Variants in STK32B observed in about 807,000 individuals in gnomAD.
STK32B encodes the protein serine/threonine-protein kinase 32B.
In STK32B, 43 loss-of-function variants were observed where a neutral mutation model predicts 52.6. The ratio of observed to expected loss-of-function variants is 0.82; its 90% CI spans 0.64 to 1.05. STK32B has a LOEUF of 1.05. STK32B is among the 50% of genes least tolerant of loss of function. STK32B has a pLI of 0.00. For missense variants in STK32B, 621 were observed against 534.6 expected, an observed-to-expected ratio of 1.16 and a Z score of -1.59; for synonymous variants, 238 against 204.3, an observed-to-expected ratio of 1.17 and a Z score of -1.41.
intron 1 of STK32B, 194 bp from the exon 2 acceptor site, chr4:5,139,711 T>G: frequency 1.7e-6 from 1 of 594,818 alleles, no homozygotes; most frequent in South Asian, 2.2e-5. Flanking sequence ...GATGGACAAT[T>G]TGTGTGCTGG....
At chr4:5,303,219 A>G (rs1729688012) in intron 3 of STK32B, among the ~76,000 whole-genome samples, 1 of 152,110 alleles carries the variant, frequency 6.6e-6, no homozygotes, top group African/African-American at 2.4e-5. Flanking sequence ...TGCTGGATCA[A>G]ATGGTAGATC....
At chr4:5,496,568 C>T (rs1304145243) in intron 11 of STK32B, among the ~76,000 whole-genome samples, 1 of 130,634 alleles carries the variant, frequency 7.7e-6, no homozygotes, top group African/African-American at 3.9e-5. Context: ...CTGTCCTGTG[C>T]CCACTGTCTG....
chr4:5,492,189 T>C (rs1332563178), intron 11 of STK32B, among the ~76,000 whole-genome samples: 3 of 152,224 alleles, frequency 2.0e-5, no homozygotes, highest in Non-Finnish European at 4.4e-5. Context: ...ATTTTCATGA[T>C]GTTGATTCTT....
At chr4:5,069,555 C>G (rs769114589) in intron 1 of STK32B, among the ~76,000 whole-genome samples, 1 of 152,152 alleles carries the variant, frequency 6.6e-6, no homozygotes, top group Non-Finnish European at 1.5e-5. Flanking sequence ...TGCCTGGAGT[C>G]GAAAGCTGCC....
intron 1 of STK32B, among the ~76,000 whole-genome samples, chr4:5,073,273 A>T (rs1711883796): frequency 6.6e-6 from 1 of 151,884 alleles, no homozygotes; most frequent in African/African-American, 2.4e-5. Flanking sequence ...AATGATTTTT[A>T]AAAATTCTAT....
intron 4 of STK32B, among the ~76,000 whole-genome samples, chr4:5,337,625 G>T (rs755678557): frequency 1.3e-5 from 2 of 151,960 alleles, no homozygotes; most frequent in Non-Finnish European, 2.9e-5. Flanking sequence ...CAGGAAAAGT[G>T]ATCTGATAGA....
At chr4:5,348,968 C>T (rs995243670) in intron 4 of STK32B, among the ~76,000 whole-genome samples, 1 of 152,208 alleles carries the variant, frequency 6.6e-6, no homozygotes, top group Non-Finnish European at 1.5e-5. Flanking sequence ...CATGTGCCAC[C>T]TGTAGGTCTG....
intron 9 of STK32B, among the ~76,000 whole-genome samples, chr4:5,464,239 C>T (rs191708629): frequency 6.6e-6 from 1 of 152,330 alleles, no homozygotes; most frequent in Non-Finnish European, 1.5e-5. Context: ...GCCCCACCTC[C>T]CAAACTGGGA....
intron 3 of STK32B, among the ~76,000 whole-genome samples, chr4:5,316,852 T>TATGATATAA (rs1730896582): frequency 2.3e-3 from 2 of 864 alleles, no homozygotes; most frequent in African/African-American, 0.018. Context: ...ATATAATATA[T>TATGATATAA]TATATATATT....
At chr4:5,075,894 C>T (rs1712043196) in intron 1 of STK32B, among the ~76,000 whole-genome samples, 2 of 152,108 alleles carry the variant, frequency 1.3e-5, no homozygotes, top group Admixed American at 6.6e-5. Flanking sequence ...ACATGTTTGC[C>T]TGATTGTTTC....
At chr4:5,218,997 C>G (rs751483979) in intron 3 of STK32B, among the ~76,000 whole-genome samples, 1 of 152,166 alleles carries the variant, frequency 6.6e-6, no homozygotes, top group East Asian at 1.9e-4. Flanking sequence ...CTCGGTACTC[C>G]AGACCAGCCC....
At chr4:5,176,431 C>T (rs1035444155) in intron 3 of STK32B, among the ~76,000 whole-genome samples, 2 of 141,576 alleles carry the variant, frequency 1.4e-5, no homozygotes. Flanking sequence ...TCCTATTCGG[C>T]CATCATCTTT....
At chr4:5,039,750 G>A in the STK32B span, among the ~76,000 whole-genome samples, 1 of 152,226 alleles carries the variant, frequency 6.6e-6, no homozygotes. Flanking sequence ...AAACACGTGA[G>A]GAATGCATTG....
intron 3 of STK32B, among the ~76,000 whole-genome samples, chr4:5,311,576 A>G (rs1730291371): frequency 1.3e-5 from 2 of 152,136 alleles, no homozygotes; most frequent in East Asian, 1.9e-4. Context: ...AGAACAAATA[A>G]TGAAAACCAG....
At chr4:5,065,649 A>C (rs1264442644) in intron 1 of STK32B, among the ~76,000 whole-genome samples, 1 of 152,234 alleles carries the variant, frequency 6.6e-6, no homozygotes, top group African/African-American at 2.4e-5. Context: ...GTCCAGCTCC[A>C]ACATCACAAA....
intron 1 of STK32B, among the ~76,000 whole-genome samples, chr4:5,120,784 T>C (rs1289468137): frequency 2.6e-5 from 4 of 151,960 alleles, no homozygotes; most frequent in Non-Finnish European, 5.9e-5. Flanking sequence ...CTAAGCACTT[T>C]ACATATGTGT....
intron 1 of STK32B, among the ~76,000 whole-genome samples, chr4:5,096,309 T>TA (rs897408462): frequency 1.4e-4 from 21 of 152,116 alleles, no homozygotes; most frequent in South Asian, 2.1e-4. Context: ...ACTTTCCTGT[T>TA]AAAAAAAATA....
chr4:5,194,466 A>G (rs576241372), intron 3 of STK32B, among the ~76,000 whole-genome samples: 1 of 152,146 alleles, frequency 6.6e-6, no homozygotes, highest in Admixed American at 6.5e-5. Context: ...ATCCCAACAC[A>G]AGACAGTGCC....
chr4:5,311,493 T>C (rs895878695), intron 3 of STK32B, among the ~76,000 whole-genome samples: 2 of 152,064 alleles, frequency 1.3e-5, no homozygotes, highest in Non-Finnish European at 2.9e-5. Context: ...AATGAAAGAA[T>C]AAGCTGATTC....
Sources: gnomAD v4.1 joint callset for allele counts (sites outside exome capture counted in the v4.1 genomes callset) on GRCh38, gnomAD v4.1.1 for gene constraint, MANE v1.5 for transcripts, NCBI Gene and HGNC (gene_info 2026-07-23, HGNC 2026-07-21) for gene names.